Variants in ARSJ observed in about 807,000 individuals in gnomAD.
The protein encoded by ARSJ is arylsulfatase J.
A neutral mutation model predicts 35.9 loss-of-function variants in ARSJ; 26 were observed. That is an observed-to-expected ratio of 0.72 (90% CI 0.53 to 1.00). The LOEUF (loss-of-function observed/expected upper bound fraction) is 1.00, where lower values mean the gene tolerates loss of function less well. Among genes scored for constraint, ARSJ ranks in the 50% least tolerant of loss-of-function variants. ARSJ has a pLI of 0.00. For synonymous variants in ARSJ, 294 were observed against 267.6 expected (o/e 1.10, Z -0.96); for missense variants, 667 against 723.6 (o/e 0.92, Z 0.90).
chr4:113,902,639 G>T lies in ARSJ; in HGVS notation c.1435C>A (p.Arg479=), dbSNP rs763073451. The change falls in exon 2 of 2, where the codon CGG becomes AGG. Residue 479 remains arginine, a synonymous_variant. Coordinates refer to ENST00000315366, the MANE Select transcript of ARSJ (RefSeq NM_024590.4). ...AAGGTGATCCGTTCATTGTGCCACCGGTTCGGTCCCAGGTTGCTGAAAGAC... is the reference window on the plus strand; with the variant it reads ...AAGGTGATCCGTTCATTGTGCCACCTGTTCGGTCCCAGGTTGCTGAAAGAC... The part of the protein sequence containing the change: ...PQSFSNLGPN[R]WHNERITLST... The T allele has an allele frequency of 3.5e-5, 56 of 1,614,034 alleles. No individual in the cohort carries two copies. In the South Asian group the frequency reaches 5.6e-4, roughly 16 times the overall value.
chr4:113,913,593 A>G (rs1476490857), intron 1 of ARSJ, among the ~76,000 whole-genome samples: 1 of 152,198 alleles, frequency 6.6e-6, no homozygotes, highest in Non-Finnish European at 1.5e-5. Flanking sequence ...AAAATGTAAG[A>G]GGGAACTCTA....
At chr4:113,944,472 A>G (rs1459538882) in intron 1 of ARSJ, among the ~76,000 whole-genome samples, 1 of 152,084 alleles carries the variant, frequency 6.6e-6, no homozygotes, top group Non-Finnish European at 1.5e-5. Flanking sequence ...AAAGAGATCT[A>G]TTAACTACAA....
At chr4:113,964,220 T>A (rs541411883) in intron 1 of ARSJ, among the ~76,000 whole-genome samples, 4 of 152,214 alleles carry the variant, frequency 2.6e-5, no homozygotes, top group African/African-American at 9.6e-5. Context: ...GCACACACTC[T>A]GAAACTGATG....
intron 1 of ARSJ, among the ~76,000 whole-genome samples, chr4:113,927,122 T>G (rs754311886): frequency 6.6e-6 from 1 of 152,108 alleles, no homozygotes; most frequent in Non-Finnish European, 1.5e-5. Flanking sequence ...CACACCCAAA[T>G]GAGGAATGTG....
intron 1 of ARSJ, among the ~76,000 whole-genome samples, chr4:113,912,012 T>C (rs1722940899): frequency 6.6e-6 from 1 of 152,180 alleles, no homozygotes; most frequent in Admixed American, 6.5e-5. Context: ...TTCACCTGCA[T>C]TAAAGTTAAG....
chr4:113,944,492 T>G (rs1409297072), intron 1 of ARSJ, among the ~76,000 whole-genome samples: 1 of 152,006 alleles, frequency 6.6e-6, no homozygotes, highest in African/African-American at 2.4e-5. Context: ...ATAAAATTAG[T>G]TGAAACAACA....
At chr4:113,937,698 A>T (rs1384577485) in intron 1 of ARSJ, among the ~76,000 whole-genome samples, 1 of 152,122 alleles carries the variant, frequency 6.6e-6, no homozygotes, top group African/African-American at 2.4e-5. Context: ...AAGTCTCTGG[A>T]TACAAAATCA....
chr4:113,911,153 T>C (rs1245819114), intron 1 of ARSJ, among the ~76,000 whole-genome samples: 3 of 152,160 alleles, frequency 2.0e-5, no homozygotes, highest in Non-Finnish European at 4.4e-5. Flanking sequence ...AGAAGCAGAA[T>C]GTTTGAATGC....
chr4:113,963,829 G>T (rs1490010741), intron 1 of ARSJ, among the ~76,000 whole-genome samples: 2 of 152,004 alleles, frequency 1.3e-5, no homozygotes, highest in African/African-American at 4.8e-5. Flanking sequence ...CTTCCTTTTA[G>T]AATTTCTAAA....
chr4:113,961,569 T>C (rs577156617), intron 1 of ARSJ, among the ~76,000 whole-genome samples: 66 of 152,106 alleles, frequency 4.3e-4, no homozygotes, highest in Non-Finnish European at 7.8e-4. Context: ...ATACAACTTA[T>C]GCAGGTTGGC....
intron 1 of ARSJ, among the ~76,000 whole-genome samples, chr4:113,903,958 C>T (rs964343122): frequency 2.1e-4 from 32 of 152,286 alleles, no homozygotes; most frequent in African/African-American, 7.2e-4. Flanking sequence ...GAGTCTTAGT[C>T]GTCACCCAGG....
chr4:113,946,735 TCA>T (rs10532168), intron 1 of ARSJ, among the ~76,000 whole-genome samples: 107,719 of 151,734 alleles, frequency 0.71, 38,722 homozygotes, highest in East Asian at 0.9. Context: ...CAATTTATTT[TCA>T]CACACGTTAT....
intron 1 of ARSJ, among the ~76,000 whole-genome samples, chr4:113,965,364 A>G (rs1161950934): frequency 6.6e-6 from 1 of 152,142 alleles, no homozygotes; most frequent in Non-Finnish European, 1.5e-5. Flanking sequence ...AAAGCTGTGC[A>G]GGGATAACAA....
chr4:113,964,067 C>T lies in ARSJ; in HGVS notation c.398+14370G>A, dbSNP rs74580546. On this transcript the variant is annotated intron_variant, in intron 1 of 1. Transcript: ENST00000315366. ...ATCTAAAAAGCTCTATTCTTGGAAACGAACCATTGAATTATTTTAATTTTA... is the reference window on the plus strand; with the variant it reads ...ATCTAAAAAGCTCTATTCTTGGAAATGAACCATTGAATTATTTTAATTTTA... Among the ~76,000 whole-genome samples, 1,206 of 152,016 alleles carry T rather than the reference C, an allele frequency of 7.9e-3. 22 individuals are homozygous for T. The highest frequency in any genetic ancestry group is 0.028 in the African/African-American group (1,143 of 41,508).
chr4:113,917,097 G>T (rs900340840), intron 1 of ARSJ, among the ~76,000 whole-genome samples: 2 of 151,986 alleles, frequency 1.3e-5, no homozygotes, highest in Non-Finnish European at 2.9e-5. Flanking sequence ...TATTAACCTG[G>T]GAAAGCATAC....
At chr4:113,927,622 G>A (rs1409193210) in intron 1 of ARSJ, among the ~76,000 whole-genome samples, 1 of 152,194 alleles carries the variant, frequency 6.6e-6, no homozygotes, top group African/African-American at 2.4e-5. Context: ...GTCAGTGGCT[G>A]CATACCAGGT....
chr4:113,909,787 T>A (rs1244606484), intron 1 of ARSJ, among the ~76,000 whole-genome samples: 1 of 151,756 alleles, frequency 6.6e-6, no homozygotes, highest in Non-Finnish European at 1.5e-5. Context: ...GTACTACACC[T>A]CTAAGCTTCT....
intron 1 of ARSJ, among the ~76,000 whole-genome samples, chr4:113,938,908 A>G (rs1015611038): frequency 2.0e-5 from 3 of 151,870 alleles, no homozygotes; most frequent in African/African-American, 7.3e-5. Flanking sequence ...ATTATTTTTT[A>G]TTATTTTTAA....
intron 1 of ARSJ, among the ~76,000 whole-genome samples, chr4:113,961,411 A>G (rs1038565831): frequency 1.3e-5 from 2 of 152,110 alleles, no homozygotes; most frequent in Admixed American, 6.6e-5. Context: ...GTTACATCAG[A>G]TGGAGGTTGG....
Sources: allele counts gnomAD v4.1 joint callset (sites outside exome capture counted in the v4.1 genomes callset), GRCh38; gene constraint gnomAD v4.1.1; transcripts MANE v1.5; gene names NCBI Gene and HGNC (gene_info 2026-07-23, HGNC 2026-07-21).